Variants in SLC25A37 observed in about 807,000 individuals in gnomAD.
The protein encoded by SLC25A37 is mitoferrin-1.
Under a neutral mutation model 31.0 loss-of-function variants are expected in SLC25A37, and 17 were observed. The ratio of observed to expected loss-of-function variants is 0.55; its 90% CI spans 0.38 to 0.82. The LOEUF (loss-of-function observed/expected upper bound fraction) is 0.82. SLC25A37 is among the 40% of genes least tolerant of loss of function. The probability of loss-of-function intolerance (pLI) is 0.00; values close to 1 mark genes in which losing one functional copy is unlikely to be tolerated. For missense variants in SLC25A37, 404 were observed against 465.8 expected (o/e 0.87, Z 1.22); for synonymous variants, 222 against 193.0 (o/e 1.15, Z -1.24).
intron 2 of SLC25A37, chr8:23,567,346 A>C (rs1197510260): frequency 6.6e-6 from 1 of 152,152 alleles, no homozygotes; most frequent in Non-Finnish European, 1.5e-5. Context: ...ATGATCTCTA[A>C]AGAGCTATGC....
intron 1 of SLC25A37, among the ~76,000 whole-genome samples, chr8:23,555,687 G>A (rs1370636686): frequency 6.6e-6 from 1 of 152,168 alleles, no homozygotes; most frequent in African/African-American, 2.4e-5. Context: ...CTTCAGAGGC[G>A]GCAGATGACC....
chr8:23,534,003 A>G (rs897806733), intron 1 of SLC25A37, among the ~76,000 whole-genome samples: 4 of 151,836 alleles, frequency 2.6e-5, no homozygotes, highest in African/African-American at 9.7e-5. Flanking sequence ...GTTGGAGAGT[A>G]GTGGTGTGAT....
Position 23,571,702 on chromosome 8 carries a change from G to C in SLC25A37, c.864G>C (p.Thr288=). 2 of 1,614,018 alleles carry C rather than the reference G, an allele frequency of 1.2e-6. No homozygotes were observed. The highest frequency in any genetic ancestry group is 1.3e-5 in the African/African-American group (1 of 75,050). Reference sequence around the variant, plus strand: ...CGGGTATGGCCAATGCCTTCCGGACGGTGTACCAGCTCAACGGCCTGGCCG... The same window carrying C: ...CGGGTATGGCCAATGCCTTCCGGACCGTGTACCAGCTCAACGGCCTGGCCG... ...RLSGMANAFR[T]VYQLNGLAGY... Residue 288 remains threonine, a synonymous_variant, in exon 4 of 4, where the codon ACG becomes ACC. Transcript: ENST00000519973.
At position 23,559,092 on chromosome 8, in the gene SLC25A37, G is replaced by A. The variant is rs532723256; in HGVS notation, c.211-7016G>A. ...TGTCTCTGGTTATTAAATGAGACAA[G>A]GCTTGCATTGCTAAAGACAGAGGTT... is the stretch of plus-strand genomic sequence containing the variant. On this transcript the variant is annotated intron_variant, in intron 1 of 3. Coordinates refer to ENST00000519973, the MANE Select transcript of SLC25A37 (RefSeq NM_016612.4). Among the ~76,000 whole-genome samples, 29 of 152,304 alleles carry A rather than the reference G, an allele frequency of 1.9e-4. No individual in the cohort carries two copies. In the East Asian group the frequency reaches 5.4e-3, roughly 28 times the overall value.
chr8:23,542,377 C>CTTTTTTTTTTTTTT (rs59713954), intron 1 of SLC25A37, among the ~76,000 whole-genome samples: 2 of 118,142 alleles, frequency 1.7e-5, no homozygotes, highest in African/African-American at 3.5e-5. Context: ...TGTACTCCTA[C>CTTTTTTTTTTTTTT]TTTTTTTTTT....
intron 1 of SLC25A37, among the ~76,000 whole-genome samples, chr8:23,540,442 A>C (rs538550257): frequency 1.3e-5 from 2 of 152,342 alleles, no homozygotes; most frequent in South Asian, 4.1e-4. Flanking sequence ...ACTCCAGGAA[A>C]TCATGGCACC....
chr8:23,553,291 A>G (rs964112578), intron 1 of SLC25A37, among the ~76,000 whole-genome samples: 1 of 152,076 alleles, frequency 6.6e-6, no homozygotes, highest in Non-Finnish European at 1.5e-5. Context: ...GTGTGGTAGC[A>G]TGCGCCTGTA....
At chr8:23,546,554 GT>G (rs58353819) in intron 1 of SLC25A37, among the ~76,000 whole-genome samples, 138 of 5,840 alleles carry the variant, frequency 0.024, 3 homozygotes, top group African/African-American at 0.032. Context: ...TATATATATA[GT>G]GTATATATAT....
At chr8:23,567,981 G>C in intron 2 of SLC25A37, 1 of 380,232 alleles carries the variant, frequency 2.6e-6, no homozygotes, top group African/African-American at 2.1e-5. Flanking sequence ...AGGGACAAGA[G>C]AGAGTTAACA....
chr8:23,571,586 G>C lies in SLC25A37; in HGVS notation c.748G>C (p.Ala250Pro). The C allele has an allele frequency of 6.2e-7, 1 of 1,613,732 alleles. No homozygotes were observed. The highest frequency in any genetic ancestry group is 2.2e-5 in the East Asian group (1 of 44,868). Residue 250 changes from alanine to proline, a missense_variant, in exon 4 of 4, where the codon GCC (alanine) becomes CCC (proline). Around this residue, in one of 3 missense-constraint regions of SLC25A37, gnomAD observed 243 missense variants for 284.4 expected, o/e 0.85. Coordinates refer to ENST00000519973, the MANE Select transcript of SLC25A37 (RefSeq NM_016612.4). ...SGGLAGALAA[A>P]ATTPLDVCKT... ...CGGGCTGGCCGGGGCCCTCGCCGCG[G>C]CCGCCACGACCCCCCTGGACGTCTG...
intron 1 of SLC25A37, among the ~76,000 whole-genome samples, chr8:23,564,189 A>G (rs991501499): frequency 1.3e-5 from 2 of 151,892 alleles, no homozygotes. Context: ...TGGTGTGTCC[A>G]TTTCCTTTGT....
At chr8:23,550,044 G>A (rs1802179740) in intron 1 of SLC25A37, among the ~76,000 whole-genome samples, 1 of 137,198 alleles carries the variant, frequency 7.3e-6, no homozygotes, top group South Asian at 2.2e-4. Flanking sequence ...AGTTGGGTGC[G>A]GTGGCACATG....
Position 23,574,461 on chromosome 8 carries a change from CA to C in SLC25A37, c.*2611del. The C allele has an allele frequency of 6.5e-6, 1 of 152,928 alleles. No individual in the cohort carries two copies. Among genetic ancestry groups the C allele is most frequent in the Non-Finnish European group, 1.5e-5 (1 of 68,384 alleles). 9.5% of individuals were successfully genotyped at this position (152,928 alleles called of 1,614,324 possible). On this transcript the variant is annotated 3_prime_UTR_variant, in exon 4 of 4. Transcript: ENST00000519973. The stretch of plus-strand genomic sequence containing the variant: ...AGCCTGGGCGACAGAGTGACTCTGT[CA>C]AAAAGGAAAGGCAAAAACCGGACCC...
intron 1 of SLC25A37, among the ~76,000 whole-genome samples, chr8:23,561,943 G>A (rs1681758047): frequency 6.6e-6 from 1 of 152,192 alleles, no homozygotes; most frequent in South Asian, 2.1e-4. Flanking sequence ...CGTGACCAAG[G>A]TCACTGGGTT....
intron 1 of SLC25A37, among the ~76,000 whole-genome samples, chr8:23,544,076 T>C (rs1585179798): frequency 6.6e-6 from 1 of 152,032 alleles, no homozygotes; most frequent in Non-Finnish European, 1.5e-5. Context: ...GCCAGGCTGG[T>C]CTCGAACTCC....
At chr8:23,537,940 G>A (rs1801804404) in intron 1 of SLC25A37, among the ~76,000 whole-genome samples, 1 of 152,038 alleles carries the variant, frequency 6.6e-6, no homozygotes, top group South Asian at 2.1e-4. Flanking sequence ...TGCATGGCAG[G>A]CACACAGACT....
chr8:23,536,031 A>G (rs1265860098), intron 1 of SLC25A37, among the ~76,000 whole-genome samples: 1 of 152,128 alleles, frequency 6.6e-6, no homozygotes, highest in African/African-American at 2.4e-5. Context: ...TAAATGAGGC[A>G]ACATATGTAA....
intron 1 of SLC25A37, among the ~76,000 whole-genome samples, chr8:23,562,660 C>T (rs1395809201): frequency 3.9e-5 from 6 of 152,174 alleles, no homozygotes; most frequent in East Asian, 1.9e-4. Context: ...TGTAGCCCCT[C>T]GACAGGGGAC....
intron 1 of SLC25A37, among the ~76,000 whole-genome samples, chr8:23,537,234 C>T (rs984349915): frequency 6.6e-6 from 1 of 151,736 alleles, no homozygotes; most frequent in Non-Finnish European, 1.5e-5. Context: ...TCTCCCCTGC[C>T]TCACATTTCC....
Sources: gnomAD v4.1 joint callset for allele counts (sites outside exome capture counted in the v4.1 genomes callset) on GRCh38, gnomAD v4.1.1 for gene constraint, gnomAD v4.1.1 regional missense constraint, MANE v1.5 for transcripts, NCBI Gene and HGNC (gene_info 2026-07-23, HGNC 2026-07-21) for gene names.